The following TNKS variants were observed in gnomAD, a reference collection of about 807,000 sequenced individuals.
TNKS encodes the protein tankyrase.
TNKS carries 72 observed loss-of-function variants against 135.8 expected under a neutral mutation model. The ratio of observed to expected loss-of-function variants is 0.53; its 90% CI spans 0.44 to 0.64. TNKS has a LOEUF of 0.64. Among genes scored for constraint, TNKS ranks in the 30% least tolerant of loss-of-function variants. TNKS has a pLI of 0.00. For synonymous variants in TNKS, 849 were observed against 649.3 expected, an observed-to-expected ratio of 1.31 and a Z score of -4.68; for missense variants, 1,769 against 1,674.0, an observed-to-expected ratio of 1.06 and a Z score of -0.99.
intron 3 of TNKS, among the ~76,000 whole-genome samples, chr8:9,631,968 C>G (rs1028444828): frequency 3.9e-5 from 6 of 152,196 alleles, no homozygotes; most frequent in African/African-American, 1.4e-4. Flanking sequence ...TCATTAAAAT[C>G]AAATTCTTCA....
intron 2 of TNKS, among the ~76,000 whole-genome samples, chr8:9,604,187 A>G (rs1026705770): frequency 6.6e-6 from 1 of 151,896 alleles, no homozygotes; most frequent in Non-Finnish European, 1.5e-5. Flanking sequence ...GTGTAGATAT[A>G]TTATGTTCAC....
intron 8 of TNKS, 143 bp from the exon 9 acceptor site, chr8:9,708,228 T>G: frequency 2.8e-6 from 2 of 713,984 alleles, no homozygotes; most frequent in East Asian, 3.2e-5. Context: ...TTTTGCATTT[T>G]TATCATCATA....
At chr8:9,641,615 T>A (rs1281969907) in intron 3 of TNKS, among the ~76,000 whole-genome samples, 1 of 145,644 alleles carries the variant, frequency 6.9e-6, no homozygotes, top group African/African-American at 2.5e-5. Context: ...TTTCTAACAT[T>A]ATTTTTCAGA....
In TNKS at chr8:9,733,447, A is replaced by G; in HGVS notation, c.2313+3A>G. The G allele has an allele frequency of 1.2e-6, 2 of 1,609,760 alleles. No homozygotes were observed. Among genetic ancestry groups the G allele is most frequent in the Non-Finnish European group, 1.7e-6 (2 of 1,177,868 alleles). The stretch of plus-strand genomic sequence containing the variant: ...AAATCTGCAAGCTCCTTTTAAAAGT[A>G]TGTAGTTTAAAAAGTTATGAAATAT... On this transcript the variant is annotated splice_donor_region_variant and intron_variant, in intron 15 of 26. Coordinates refer to ENST00000310430, the MANE Select transcript of TNKS (RefSeq NM_003747.3).
At chr8:9,656,628 A>ATTTTTTTTTTTTTTTTTTT (rs1801386865) in intron 3 of TNKS, among the ~76,000 whole-genome samples, 1 of 125,774 alleles carries the variant, frequency 8.0e-6, no homozygotes, top group African/African-American at 3.4e-5. Context: ...TTTTTTTTTA[A>ATTTTTTTTTTTTTTTTTTT]TTTATTTTTT....
chr8:9,625,385 A>G (rs964485022), intron 3 of TNKS, among the ~76,000 whole-genome samples: 1 of 151,150 alleles, frequency 6.6e-6, no homozygotes, highest in Non-Finnish European at 1.5e-5. Context: ...TCTGTTTTCA[A>G]TATTGTTGAT....
chr8:9,765,733 C>A lies in TNKS; in HGVS notation c.3489C>A (p.Cys1163Ter). Residue 1163 changes from cysteine to a stop codon, truncating the protein, a stop_gained, in exon 24 of 27, where the codon TGC becomes TGA. Transcript: ENST00000310430. LOFTEE classifies it high-confidence loss of function. Reference sequence around the variant, plus strand: ...ACAAGAAGTTGAGGGAGCGGTTCTGCCACCGACAGAAGGAAGTGTCTGAGG... The same window carrying A: ...ACAAGAAGTTGAGGGAGCGGTTCTGACACCGACAGAAGGAAGTGTCTGAGG... ...VVNKKLRERF[C>*]HRQKEVSEEN... is the part of the protein sequence containing the mutation. 2 of 1,613,894 alleles carry A rather than the reference C, an allele frequency of 1.2e-6. No individual in the cohort carries two copies. Among genetic ancestry groups the A allele is most frequent in the Non-Finnish European group, 1.7e-6 (2 of 1,179,890 alleles).
At chr8:9,767,548 T>TA (rs1275523166) in intron 25 of TNKS, among the ~76,000 whole-genome samples, 2 of 152,208 alleles carry the variant, frequency 1.3e-5, no homozygotes, top group Non-Finnish European at 2.9e-5. Context: ...TTATTGACCT[T>TA]AAAACTTATC....
chr8:9,648,065 C>G (rs577908107), intron 3 of TNKS, among the ~76,000 whole-genome samples: 1 of 152,264 alleles, frequency 6.6e-6, no homozygotes, highest in African/African-American at 2.4e-5. Context: ...CTGTAGGGCA[C>G]TTACCATAAA....
intron 2 of TNKS, among the ~76,000 whole-genome samples, chr8:9,602,649 C>A (rs374154129): frequency 8.2e-4 from 125 of 152,292 alleles, no homozygotes; most frequent in Non-Finnish European, 1.5e-3. Context: ...GTCAGTAGTT[C>A]AAATGGAGAC....
intron 26 of TNKS, among the ~76,000 whole-genome samples, chr8:9,775,459 C>CTATATATATATATATATATATATA (rs59789406): frequency 3.7e-5 from 3 of 80,618 alleles, no homozygotes; most frequent in Non-Finnish European, 7.5e-5. Flanking sequence ...ATGAATGGTT[C>CTATATATATATATATATATATATA]TATATATATA....
chr8:9,597,203 C>T (rs557266050), intron 2 of TNKS, among the ~76,000 whole-genome samples: 4 of 152,132 alleles, frequency 2.6e-5, no homozygotes, highest in Non-Finnish European at 4.4e-5. Flanking sequence ...AATTATAAAA[C>T]GGACGTTGGC....
rs987583949 is a variant in TNKS, at chr8:9,740,234, C to T, written c.2643+4748C>T. On this transcript the variant is annotated intron_variant, in intron 17 of 26. Transcript: ENST00000310430. ...TCACGGCAGAAATAGGATGAATGCT[C>T]ATGTGCTTGACAGTTCATCCACTTA... is the stretch of plus-strand genomic sequence containing the variant. Among the ~76,000 whole-genome samples the T allele has an allele frequency of 3.9e-5, 6 of 152,250 alleles. No individual in the cohort carries two copies. In the East Asian group the frequency reaches 5.8e-4, roughly 15 times the overall value.
chr8:9,742,355 A>G (rs1806010341), intron 17 of TNKS, among the ~76,000 whole-genome samples: 1 of 149,814 alleles, frequency 6.7e-6, no homozygotes, highest in East Asian at 2.0e-4. Flanking sequence ...GAGTGTGATA[A>G]TACCTTTTTT....
chr8:9,620,809 T>A (rs1799839214), intron 3 of TNKS, among the ~76,000 whole-genome samples: 1 of 152,246 alleles, frequency 6.6e-6, no homozygotes, highest in African/African-American at 2.4e-5. Flanking sequence ...CCTATTTGAT[T>A]TCCTTCATGG....
rs750526381 is a variant in TNKS at position 9,726,739 on chromosome 8, T to C, written c.2001+19T>C. On this transcript the variant is annotated intron_variant, in intron 13 of 26. Transcript: ENST00000310430. ...TGTGAAGGTAAGTCAGTGCCCTTAA[T>C]ATCTGGAATAGCACTGTTGAACTTT... 6.0e-5 allele frequency: 96 copies of C among 1,586,998 alleles called. 1 individual carries two copies. In the South Asian group the frequency reaches 1.0e-3, roughly 17 times the overall value.
intron 3 of TNKS, among the ~76,000 whole-genome samples, chr8:9,657,406 G>C (rs1420644739): frequency 2.1e-5 from 2 of 96,064 alleles, no homozygotes; most frequent in Middle Eastern, 0.01. Context: ...CCCAGACGGG[G>C]CGGCTGGCCG....
intron 1 of TNKS, among the ~76,000 whole-genome samples, chr8:9,571,222 T>G (rs1797745966): frequency 6.6e-6 from 1 of 152,142 alleles, no homozygotes; most frequent in African/African-American, 2.4e-5. Flanking sequence ...TAGCCTTTTT[T>G]CCTTTTTGGC....
chr8:9,623,753 G>A (rs1409414407), intron 3 of TNKS, among the ~76,000 whole-genome samples: 1 of 152,152 alleles, frequency 6.6e-6, no homozygotes, highest in African/African-American at 2.4e-5. Flanking sequence ...TGTAATCTCA[G>A]CACTTTGGGA....
Sources: allele counts gnomAD v4.1 joint callset (sites outside exome capture counted in the v4.1 genomes callset), GRCh38; gene constraint gnomAD v4.1.1; transcripts MANE v1.5; gene names NCBI Gene and HGNC (gene_info 2026-07-23, HGNC 2026-07-21).